The following CNTN5 variants were observed in gnomAD, a reference collection of about 807,000 sequenced individuals.
CNTN5 encodes the protein contactin-5.
CNTN5 carries 77 observed loss-of-function variants against 129.1 expected under a neutral mutation model. That is an observed-to-expected ratio of 0.60 (90% CI 0.50 to 0.72). CNTN5 has a LOEUF of 0.72. CNTN5 is among the 30% of genes least tolerant of loss of function. The pLI is 0.00. For synonymous variants in CNTN5, 509 were observed against 465.6 expected (o/e 1.09, Z -1.20); for missense variants, 1,478 against 1,328.8 (o/e 1.11, Z -1.75).
chr11:99,833,066 T>A (rs1188967094), intron 4 of CNTN5, among the ~76,000 whole-genome samples: 1 of 152,176 alleles, frequency 6.6e-6, no homozygotes, highest in Admixed American at 6.5e-5. Context: ...TGGGTCATGA[T>A]CCAATAAAAC....
In CNTN5 at chr11:100,224,705, C is replaced by A; in HGVS notation, c.1898C>A (p.Ala633Glu). Residue 633 changes from alanine to glutamate, a missense_variant, in exon 16 of 25, where the codon GCA (alanine) becomes GAA (glutamate). Transcript: ENST00000524871. The stretch of plus-strand genomic sequence containing the variant: ...TCCCTCTTTCAGCAAGCATCCTCTG[C>A]AGATTTAATGATCAGGAACATCCTT... ...FESIRAQASS[A>E]DLMIRNILLM... 6.2e-7 allele frequency: 1 copy of A among 1,611,260 alleles called. No homozygotes were observed. The highest frequency in any genetic ancestry group is 1.1e-5 in the South Asian group (1 of 90,806).
rs142509130 is a variant in CNTN5, at chr11:99,554,211, A to G, written c.-70-1934A>G. ...ATCTCACCTTCTATCCTCCGGTCAC[A>G]GGTTGTCCCTTTACTCTGTTAATTT... On this transcript the variant is annotated intron_variant, in intron 2 of 24. Coordinates refer to ENST00000524871, the MANE Select transcript of CNTN5 (RefSeq NM_014361.4). Among the ~76,000 whole-genome samples the G allele has an allele frequency of 1.6e-4, 25 of 152,246 alleles. No individual in the cohort carries two copies. In the East Asian group the frequency reaches 4.6e-3, roughly 28 times the overall value.
At chr11:99,379,801 A>C (rs143231456) in intron 2 of CNTN5, among the ~76,000 whole-genome samples, 8 of 152,328 alleles carry the variant, frequency 5.3e-5, no homozygotes, top group Non-Finnish European at 1.2e-4. Flanking sequence ...GCTGCTTAAA[A>C]GTGAACATTT....
At chr11:99,708,354 A>G (rs192447801) in intron 3 of CNTN5, among the ~76,000 whole-genome samples, 125 of 151,942 alleles carry the variant, frequency 8.2e-4, no homozygotes, top group African/African-American at 3.0e-3. Context: ...AATAATTTAA[A>G]TGCTTTAAAT....
intron 1 of CNTN5, among the ~76,000 whole-genome samples, 177 bp from the exon 2 acceptor site, chr11:99,325,169 A>G (rs1201639225): frequency 1.3e-5 from 2 of 152,106 alleles, no homozygotes; most frequent in Admixed American, 6.5e-5. Context: ...AAGCAACTAC[A>G]TAAATATACC....
At chr11:99,944,197 A>G (rs989997300) in intron 7 of CNTN5, among the ~76,000 whole-genome samples, 1 of 152,202 alleles carries the variant, frequency 6.6e-6, no homozygotes, top group African/African-American at 2.4e-5. Flanking sequence ...GGAAATTTAT[A>G]GCACTAAATG....
chr11:99,173,988 G>A (rs368821197), intron 1 of CNTN5, among the ~76,000 whole-genome samples: 14 of 142,358 alleles, frequency 9.8e-5, no homozygotes, highest in East Asian at 2.1e-4. Context: ...AAGAAGAAGC[G>A]TCAAAAATGC....
intron 1 of CNTN5, among the ~76,000 whole-genome samples, chr11:99,305,250 A>C (rs1463157787): frequency 4.6e-5 from 7 of 152,208 alleles, no homozygotes; most frequent in Admixed American, 2.6e-4. Flanking sequence ...AGAATACATG[A>C]ATAAATCACT....
chr11:100,357,647 G>A lies in CNTN5; in HGVS notation c.*1427G>A, dbSNP rs1200315371. ...ATGGTTTTATAGGCGATGTTAACAA[G>A]AGAACAAAAATTGGTTTTATAATTT... is the stretch of plus-strand genomic sequence containing the variant. On this transcript the variant is annotated 3_prime_UTR_variant, in exon 25 of 25. Coordinates refer to ENST00000524871, the MANE Select transcript of CNTN5 (RefSeq NM_014361.4). The A allele has an allele frequency of 1.3e-5, 2 of 151,486 alleles. No individual in the cohort carries two copies. Among genetic ancestry groups the A allele is most frequent in the Admixed American group, 1.3e-4 (2 of 15,168 alleles). 9.4% of individuals were successfully genotyped at this position (151,486 alleles called of 1,614,324 possible). A position where few individuals can be genotyped will look rare whatever the true frequency, so the allele number is the denominator to read the frequency against.
rs1942623346 is a variant in CNTN5, at chr11:100,045,597, A to G, written c.981-15615A>G. The stretch of plus-strand genomic sequence containing the variant: ...TGCTTTAACTATTTTTGCATAAACA[A>G]CTGGCAAAAATATAAGGCTGACAAA... On this transcript the variant is annotated intron_variant, in intron 9 of 24. Coordinates refer to ENST00000524871, the MANE Select transcript of CNTN5 (RefSeq NM_014361.4). Among the ~76,000 whole-genome samples, 4 of 152,148 alleles carry G rather than the reference A, an allele frequency of 2.6e-5. No individual in the cohort carries two copies. The South Asian group carries it at 6.2e-4, about 24-fold the overall frequency.
At chr11:99,227,723 T>C (rs1044195324) in intron 1 of CNTN5, among the ~76,000 whole-genome samples, 3 of 152,178 alleles carry the variant, frequency 2.0e-5, no homozygotes, top group African/African-American at 7.2e-5. Flanking sequence ...TTTAAAAAGG[T>C]ACTTTTCTTC....
intron 3 of CNTN5, among the ~76,000 whole-genome samples, chr11:99,628,700 A>ATAAT (rs10691114): frequency 0.61 from 92,669 of 151,338 alleles, 29,268 homozygotes; most frequent in Admixed American, 0.74. Flanking sequence ...CAGCTCATAA[A>ATAAT]TCTTATAGGT....
chr11:99,790,281 G>C (rs181294060), intron 3 of CNTN5, among the ~76,000 whole-genome samples: 11 of 152,062 alleles, frequency 7.2e-5, no homozygotes, highest in Admixed American at 7.2e-4. Context: ...CCTCCACCCA[G>C]GTAATAAGCA....
intron 3 of CNTN5, among the ~76,000 whole-genome samples, chr11:99,578,591 AT>A (rs1387389708): frequency 6.7e-6 from 1 of 149,124 alleles, no homozygotes; most frequent in Non-Finnish European, 1.5e-5. Flanking sequence ...GATCATGAGC[AT>A]TTTTTCATGT....
chr11:99,024,189 C>T (rs974084415), intron 1 of CNTN5, among the ~76,000 whole-genome samples: 1 of 152,064 alleles, frequency 6.6e-6, no homozygotes, highest in African/African-American at 2.4e-5. Context: ...AACTATATTC[C>T]ATCTCCCTAC....
At chr11:99,324,798 C>T (rs1056241964) in intron 1 of CNTN5, among the ~76,000 whole-genome samples, 5 of 152,030 alleles carry the variant, frequency 3.3e-5, no homozygotes, top group Non-Finnish European at 5.9e-5. Context: ...CCCTCCACCA[C>T]GCCCAGCTAC....
At chr11:99,862,116 A>T (rs905569174) in intron 6 of CNTN5, among the ~76,000 whole-genome samples, 65 of 152,318 alleles carry the variant, frequency 4.3e-4, no homozygotes, top group African/African-American at 1.5e-3. Context: ...ATATTTAAAT[A>T]CAAAACATAC....
chr11:99,886,095 A>G (rs1444997849), intron 6 of CNTN5, among the ~76,000 whole-genome samples: 1 of 152,136 alleles, frequency 6.6e-6, no homozygotes. Flanking sequence ...TTTGAGAATT[A>G]AATGTAAAAG....
At chr11:99,258,960 T>C (rs755111195) in intron 1 of CNTN5, among the ~76,000 whole-genome samples, 4 of 151,884 alleles carry the variant, frequency 2.6e-5, no homozygotes, top group Non-Finnish European at 4.4e-5. Context: ...TTTCTATCTT[T>C]AGGAATTAAA....
Sources: allele counts gnomAD v4.1 joint callset (sites outside exome capture counted in the v4.1 genomes callset), GRCh38; gene constraint gnomAD v4.1.1; transcripts MANE v1.5; gene names NCBI Gene and HGNC (gene_info 2026-07-23, HGNC 2026-07-21).